The following EIF2B2 variants were observed in gnomAD, a reference collection of about 807,000 sequenced individuals.
EIF2B2 encodes eukaryotic translation initiation factor 2B subunit beta, also known as translation initiation factor eIF2B subunit beta.
In EIF2B2, 34 loss-of-function variants were observed where a neutral mutation model predicts 34.7. That is an observed-to-expected ratio of 0.98 (90% CI 0.75 to 1.31). The LOEUF (loss-of-function observed/expected upper bound fraction) is 1.31. EIF2B2 is among the 50% of genes most tolerant of loss of function. The probability of loss-of-function intolerance (pLI) is 0.00; values close to 1 mark genes in which losing one functional copy is unlikely to be tolerated. For synonymous variants in EIF2B2, 155 were observed against 171.6 expected (o/e 0.90, Z 0.76); for missense variants, 361 against 447.7 (o/e 0.81, Z 1.75).
intron 6 of EIF2B2, chr14:75,007,348 C>T (rs1889642038): frequency 2.9e-6 from 1 of 346,380 alleles, no homozygotes; most frequent in Non-Finnish European, 5.6e-6. Context: ...TTGTCCTTCT[C>T]CCCATCTCCT....
Position 75,009,471 on chromosome 14 carries a change from T to C in EIF2B2, c.*283T>C, listed in dbSNP as rs1889675084. On this transcript the variant is annotated 3_prime_UTR_variant, in exon 8 of 8. Transcript: ENST00000266126. Reference sequence around the variant, plus strand: ...TGCGTCTGTGTCAGGAACTTAAACTTTCTGGTTCAGTAGTGTGTTAAACAT... The same window carrying C: ...TGCGTCTGTGTCAGGAACTTAAACTCTCTGGTTCAGTAGTGTGTTAAACAT... 4.5e-6 allele frequency: 2 copies of C among 444,224 alleles called. No homozygotes were observed. The highest frequency in any genetic ancestry group is 8.4e-6 in the Non-Finnish European group (2 of 237,942). The allele number at this position is 444,224 out of a possible 1,614,324, so 27.5% of individuals were successfully genotyped here.
In EIF2B2 at chr14:75,011,876, G is replaced by A. The variant is rs1349092526; in HGVS notation, c.*2688G>A. 6.6e-6 allele frequency: 1 copy of A among 152,170 alleles called. No individual in the cohort carries two copies. The highest frequency in any genetic ancestry group is 1.5e-5 in the Non-Finnish European group (1 of 68,032). The allele number at this position is 152,170 out of a possible 1,614,324, so 9.4% of individuals were successfully genotyped here. A position where few individuals can be genotyped will look rare whatever the true frequency, so the allele number is the denominator to read the frequency against. On this transcript the variant is annotated 3_prime_UTR_variant, in exon 8 of 8. Coordinates refer to ENST00000266126, the MANE Select transcript of EIF2B2 (RefSeq NM_014239.4). ...GTTCCTGGCTCCAAAAATGCTTTATGATACTTGTCCTTTGTCCATCTTAGT... is the reference window on the plus strand; with the variant it reads ...GTTCCTGGCTCCAAAAATGCTTTATAATACTTGTCCTTTGTCCATCTTAGT...
chr14:75,005,367 ACT>A (rs1246179355), intron 4 of EIF2B2, among the ~76,000 whole-genome samples: 3 of 148,764 alleles, frequency 2.0e-5, no homozygotes, highest in Non-Finnish European at 3.0e-5. Flanking sequence ...ACAGAGCAAG[ACT>A]CTGTCTCAAA....
chr14:75,008,934 T>C lies in EIF2B2; in HGVS notation c.899-97T>C, dbSNP rs575999461. On this transcript the variant is annotated intron_variant, in intron 7 of 7. Coordinates refer to ENST00000266126, the MANE Select transcript of EIF2B2 (RefSeq NM_014239.4). Reference sequence around the variant, plus strand: ...CCATAGCTTCCCGTCCTTGGGGAGCTAATATGCCTGCATTCTCGAGCCTGG... The same window carrying C: ...CCATAGCTTCCCGTCCTTGGGGAGCCAATATGCCTGCATTCTCGAGCCTGG... The C allele has an allele frequency of 1.3e-5, 20 of 1,526,516 alleles. No individual in the cohort carries two copies. The African/African-American group carries it at 2.5e-4, about 19-fold the overall frequency. 94.6% of individuals were successfully genotyped at this position (1,526,516 alleles called of 1,614,324 possible). A position where few individuals can be genotyped will look rare whatever the true frequency, so the allele number is the denominator to read the frequency against.
chr14:75,005,939 C>T lies in EIF2B2; in HGVS notation c.671C>T (p.Ala224Val). ...GTCATGACTGATGCTGCCATTTTTG[C>T]CGTTATGTCAAGAGTCAACAAGGTG... ...TTVMTDAAIF[A>V]VMSRVNKVII... The change falls in exon 5 of 8, where the codon GCC (alanine) becomes GTC (valine). Residue 224 changes from alanine (A) to valine (V), a missense_variant. Physicochemically the swap from Ala to Val is moderately conservative, Grantham distance 64 (BLOSUM62 0). Transcript: ENST00000266126. 1 of 1,613,120 alleles carries T rather than the reference C, an allele frequency of 6.2e-7. No homozygotes were observed. Among genetic ancestry groups the T allele is most frequent in the Non-Finnish European group, 8.5e-7 (1 of 1,179,306 alleles).
intron 6 of EIF2B2, 38 bp from the exon 7 acceptor site, chr14:75,007,684 G>T: frequency 6.4e-7 from 1 of 1,553,296 alleles, no homozygotes; most frequent in South Asian, 1.1e-5. Context: ...GAGTGGAATT[G>T]CTGGGTCTCT....
chr14:75,004,713 T>A, intron 3 of EIF2B2, 24 bp from the exon 4 acceptor site: 1 of 1,012,058 alleles, frequency 9.9e-7, no homozygotes, highest in East Asian at 4.5e-5. Context: ...TTTTTTTTTT[T>A]TTTTTGCAAA....
Position 75,003,078 on chromosome 14 carries a change from A to C in EIF2B2, c.88A>C (p.Ser30Arg). 1 of 1,614,038 alleles carries C rather than the reference A, an allele frequency of 6.2e-7. No homozygotes were observed. The highest frequency in any genetic ancestry group is 1.6e-4 in the Middle Eastern group (1 of 6,062). Residue 30 changes from serine (S) to arginine (R), a missense_variant, in exon 1 of 8, where the codon AGC becomes CGC. By Grantham distance (110) the Ser-to-Arg change is moderately radical. Transcript: ENST00000266126. ...ETLKRGGGPR[S>R]SEEMARETLG... ...CCTGAAGCGGGGTGGTGGGCCGCGC[A>C]GCTCCGAGGAAATGGCTCGGGAGAC...
rs1384995466 is a variant in EIF2B2 at position 75,003,325 on chromosome 14, C to T, written c.214C>T (p.Gln72Ter). 5 of 1,613,882 alleles carry T rather than the reference C, an allele frequency of 3.1e-6. No individual in the cohort carries two copies. The highest frequency in any genetic ancestry group is 4.2e-6 in the Non-Finnish European group (5 of 1,179,966). ...AGAGGGCAGGAGGATGACGGCCGCT[C>T]AGCCCTCCGAGACCACCGTGGGCAA... ...RREGRRMTAA[Q>*]PSETTVGNMV... is the part of the protein sequence containing the mutation. The change falls in exon 2 of 8, where the codon CAG becomes TAG. Residue 72 changes from glutamine to a stop codon, truncating the protein, a stop_gained. Coordinates refer to ENST00000266126, the MANE Select transcript of EIF2B2 (RefSeq NM_014239.4). LOFTEE classifies it high-confidence loss of function.
chr14:75,006,109 G>A lies in EIF2B2; in HGVS notation c.693+148G>A. 1.4e-6 allele frequency: 1 copy of A among 731,766 alleles called. No homozygotes were observed. Among genetic ancestry groups the A allele is most frequent in the Admixed American group, 2.1e-5 (1 of 47,746 alleles). 45.3% of individuals were successfully genotyped at this position (731,766 alleles called of 1,614,324 possible). A position where few individuals can be genotyped will look rare whatever the true frequency, so the allele number is the denominator to read the frequency against. On this transcript the variant is annotated intron_variant, in intron 5 of 7. Coordinates refer to ENST00000266126, the MANE Select transcript of EIF2B2 (RefSeq NM_014239.4). The surrounding 1 kb of genome is among the most constrained non-coding windows in gnomAD (Gnocchi z 4.1). ...CTTAGGCCTTTTTAATCTGTTAACT[G>A]AATTTCTTTTCCCTTTTTTCTGCAT...
rs1205499958 is a variant in EIF2B2, at chr14:75,012,246, G to A, written c.*3058G>A. 6.6e-6 allele frequency: 1 copy of A among 151,728 alleles called. No homozygotes were observed. The highest frequency in any genetic ancestry group is 2.4e-5 in the African/African-American group (1 of 41,096). The allele number at this position is 151,728 out of a possible 1,614,324, so 9.4% of individuals were successfully genotyped here. A position where few individuals can be genotyped will look rare whatever the true frequency, so the allele number is the denominator to read the frequency against. ...ACCCCTGCCTTGCTGGCGGAACCGA[G>A]AAACTCGGAAAAAAACAAACAAAAA... On this transcript the variant is annotated 3_prime_UTR_variant, in exon 8 of 8. Coordinates refer to ENST00000266126, the MANE Select transcript of EIF2B2 (RefSeq NM_014239.4).
intron 7 of EIF2B2, chr14:75,008,414 T>C (rs996985759): frequency 4.0e-5 from 7 of 175,392 alleles, no homozygotes; most frequent in Admixed American, 3.2e-4. Flanking sequence ...GAAATAGTTA[T>C]TGAGCACCTA....
At chr14:75,008,391 A>G (rs1302413128) in intron 7 of EIF2B2, 1 of 175,884 alleles carries the variant, frequency 5.7e-6, no homozygotes, top group Non-Finnish European at 1.2e-5. Flanking sequence ...TTAAATAAAC[A>G]TTCAATCTTC....
chr14:75,003,428 C>T (rs1889571573), intron 2 of EIF2B2, 33 bp downstream of exon 2: 1 of 1,613,828 alleles, frequency 6.2e-7, no homozygotes, highest in Non-Finnish European at 8.5e-7. Flanking sequence ...CTGGTTGGAT[C>T]CAGTGACACT....
At position 75,007,918 on chromosome 14, in the gene EIF2B2, T is replaced by C. The variant is rs951771937; in HGVS notation, c.898+130T>C. 1.4e-5 allele frequency: 12 copies of C among 873,824 alleles called. No individual in the cohort carries two copies. The African/African-American group carries it at 2.0e-4, about 15-fold the overall frequency. The allele number at this position is 873,824 out of a possible 1,614,324, so 54.1% of individuals were successfully genotyped here. On this transcript the variant is annotated intron_variant, in intron 7 of 7. Transcript: ENST00000266126. The stretch of plus-strand genomic sequence containing the variant: ...TGCTGTCAAGTTGTGTTTTTTATCA[T>C]ACTTCTTGTGGGGACTGTTTTCTTT...
rs1439311124 is a variant in EIF2B2, at chr14:75,010,198, G to T, written c.*1010G>T. On this transcript the variant is annotated 3_prime_UTR_variant, in exon 8 of 8. Coordinates refer to ENST00000266126, the MANE Select transcript of EIF2B2 (RefSeq NM_014239.4). ...TCAGTCCTACTGCATCTGATCTCAG[G>T]GTTACTACCTGGGAATCTGTTTAAA... 6.6e-6 allele frequency: 1 copy of T among 152,046 alleles called. No homozygotes were observed. Among genetic ancestry groups the T allele is most frequent in the Non-Finnish European group, 1.5e-5 (1 of 68,024 alleles). 9.4% of individuals were successfully genotyped at this position (152,046 alleles called of 1,614,324 possible). A position where few individuals can be genotyped will look rare whatever the true frequency, so the allele number is the denominator to read the frequency against.
At position 75,006,066 on chromosome 14, in the gene EIF2B2, C is replaced by A; in HGVS notation, c.693+105C>A. The stretch of plus-strand genomic sequence containing the variant: ...CACGGTGAGAGAATAAAGTTTCTAG[C>A]ACCTTTCAAAGTACATACTTAGGCC... On this transcript the variant is annotated intron_variant, in intron 5 of 7. Transcript: ENST00000266126. This position sits in a 1 kb window ranked among gnomAD's most constrained non-coding sequence, Gnocchi z 4.1. 1.0e-6 allele frequency: 1 copy of A among 978,170 alleles called. No individual in the cohort carries two copies. The highest frequency in any genetic ancestry group is 1.6e-6 in the Non-Finnish European group (1 of 610,540). The allele number at this position is 978,170 out of a possible 1,614,324, so 60.6% of individuals were successfully genotyped here.
chr14:75,006,538 AC>A lies in EIF2B2; in HGVS notation c.694-34del. 6.2e-7 allele frequency: 1 copy of A among 1,610,926 alleles called. No individual in the cohort carries two copies. ...TGGCCAGTGGCCCTTTTAGGGCTCCACCCCCAGGATGGCTCACATTTTTTGT... is the reference window on the plus strand; with the variant it reads ...TGGCCAGTGGCCCTTTTAGGGCTCCACCCCAGGATGGCTCACATTTTTTGT... On this transcript the variant is annotated intron_variant, in intron 5 of 7. Coordinates refer to ENST00000266126, the MANE Select transcript of EIF2B2 (RefSeq NM_014239.4). The surrounding 1 kb of genome is among the most constrained non-coding windows in gnomAD (Gnocchi z 4.1).
At position 75,009,597 on chromosome 14, in the gene EIF2B2, G is replaced by T; in HGVS notation, c.*409G>T. Reference sequence around the variant, plus strand: ...AAAGCCACTTGAAGGTTCCATAGTTGGTTTATTTATTGTCCTACTCTGACA... The same window carrying T: ...AAAGCCACTTGAAGGTTCCATAGTTTGTTTATTTATTGTCCTACTCTGACA... On this transcript the variant is annotated 3_prime_UTR_variant, in exon 8 of 8. Coordinates refer to ENST00000266126, the MANE Select transcript of EIF2B2 (RefSeq NM_014239.4). 3.4e-6 allele frequency: 1 copy of T among 293,328 alleles called. No homozygotes were observed. The highest frequency in any genetic ancestry group is 3.4e-5 in the South Asian group (1 of 29,636). 18.2% of individuals were successfully genotyped at this position (293,328 alleles called of 1,614,324 possible). A position where few individuals can be genotyped will look rare whatever the true frequency, so the allele number is the denominator to read the frequency against.
Sources: gnomAD v4.1 joint callset for allele counts (sites outside exome capture counted in the v4.1 genomes callset) on GRCh38, gnomAD v4.1.1 for gene constraint, Gnocchi (gnomAD v3.1) non-coding constraint, MANE v1.5 for transcripts, NCBI Gene and HGNC (gene_info 2026-07-23, HGNC 2026-07-21) for gene names.